MAP4K4: variants seen among roughly 807,000 people sequenced by gnomAD.
MAP4K4 encodes the protein mitogen-activated protein kinase kinase kinase kinase 4, also known as HPK/GCK-like kinase HGK.
Under a neutral mutation model 189.6 loss-of-function variants are expected in MAP4K4, and 38 were observed. That is an observed-to-expected ratio of 0.20 (90% CI 0.15 to 0.26). The LOEUF is 0.26. MAP4K4 is among the 10% of genes least tolerant of loss of function. MAP4K4 has a pLI of 1.00. For synonymous variants in MAP4K4, 610 were observed against 624.3 expected, an observed-to-expected ratio of 0.98 and a Z score of 0.34; for missense variants, 1,054 against 1,726.9, an observed-to-expected ratio of 0.61 and a Z score of 6.91.
At chr2:101,764,235 C>G (rs1294830882) in intron 2 of MAP4K4, among the ~76,000 whole-genome samples, 2 of 152,086 alleles carry the variant, frequency 1.3e-5, no homozygotes, top group Non-Finnish European at 2.9e-5. Flanking sequence ...ACATATGTAG[C>G]ATTGCACTGT....
intron 10 of MAP4K4, among the ~76,000 whole-genome samples, chr2:101,841,543 A>G (rs2096917236): frequency 1.3e-5 from 2 of 151,214 alleles, no homozygotes; most frequent in African/African-American, 4.9e-5. Flanking sequence ...TTCTTGGCTC[A>G]CTGCAGCCTC....
intron 2 of MAP4K4, among the ~76,000 whole-genome samples, chr2:101,712,403 C>T (rs2046126240): frequency 6.6e-6 from 1 of 152,072 alleles, no homozygotes; most frequent in Admixed American, 6.5e-5. Context: ...ACCGTGTTAG[C>T]CAGGATGGTC....
intron 2 of MAP4K4, among the ~76,000 whole-genome samples, chr2:101,711,780 G>T (rs925955535): frequency 1.3e-5 from 2 of 152,092 alleles, no homozygotes; most frequent in Non-Finnish European, 2.9e-5. Context: ...TCAACTCCAA[G>T]ATTGTATTAG....
At chr2:101,706,871 T>G (rs916863817) in intron 2 of MAP4K4, among the ~76,000 whole-genome samples, 1 of 152,236 alleles carries the variant, frequency 6.6e-6, no homozygotes, top group South Asian at 2.1e-4. Flanking sequence ...AAATCCCTTT[T>G]TCTTATCACT....
chr2:101,766,965 T>C (rs1229805171), intron 2 of MAP4K4, among the ~76,000 whole-genome samples: 1 of 152,228 alleles, frequency 6.6e-6, no homozygotes, highest in Non-Finnish European at 1.5e-5. Flanking sequence ...CAGAATTTTC[T>C]GGGGTTTAAA....
chr2:101,848,221 C>T (rs929728974), intron 12 of MAP4K4, among the ~76,000 whole-genome samples: 1 of 152,172 alleles, frequency 6.6e-6, no homozygotes, highest in African/African-American at 2.4e-5. Context: ...ATACCAAGTA[C>T]AGTGTAAATG....
chr2:101,721,435 C>CT (rs397872119), intron 2 of MAP4K4, among the ~76,000 whole-genome samples: 9,427 of 131,540 alleles, frequency 0.072, 427 homozygotes, highest in African/African-American at 0.12. Context: ...TAGTATATTG[C>CT]TTTTTTTTTT....
chr2:101,755,660 C>G (rs904468304), intron 2 of MAP4K4, among the ~76,000 whole-genome samples: 3 of 152,114 alleles, frequency 2.0e-5, no homozygotes, highest in Admixed American at 6.6e-5. Flanking sequence ...TTAATCCGCT[C>G]TCCCTCTGTT....
intron 2 of MAP4K4, among the ~76,000 whole-genome samples, chr2:101,728,630 T>C (rs2056823997): frequency 6.6e-6 from 1 of 152,202 alleles, no homozygotes; most frequent in Non-Finnish European, 1.5e-5. Context: ...GCAGTTCTTC[T>C]GCCTCAGCCT....
exon 16 of MAP4K4, chr2:101,860,938 C>G: frequency 6.2e-7 from 1 of 1,604,904 alleles, no homozygotes; most frequent in Non-Finnish European, 8.5e-7. Flanking sequence ...TTTCCAATGG[C>G]AACTCCGAGT....
intron 17 of MAP4K4, among the ~76,000 whole-genome samples, chr2:101,864,325 A>G (rs2097758150): frequency 6.6e-6 from 1 of 152,238 alleles, no homozygotes; most frequent in South Asian, 2.1e-4. Flanking sequence ...AAACAAATTC[A>G]TAATCTATTT....
chr2:101,704,916 A>G (rs2041486083), intron 2 of MAP4K4, among the ~76,000 whole-genome samples: 1 of 152,154 alleles, frequency 6.6e-6, no homozygotes, highest in South Asian at 2.1e-4. Flanking sequence ...ATAATGTTAT[A>G]TCACTGCTCA....
intron 12 of MAP4K4, among the ~76,000 whole-genome samples, chr2:101,845,230 G>A (rs997039304): frequency 1.3e-5 from 2 of 151,880 alleles, no homozygotes; most frequent in Admixed American, 6.6e-5. Context: ...GGTAAGGGAT[G>A]CAGAAAACAA....
intron 3 of MAP4K4, among the ~76,000 whole-genome samples, chr2:101,811,854 G>A (rs1490506919): frequency 6.6e-6 from 1 of 152,172 alleles, no homozygotes; most frequent in Admixed American, 6.5e-5. Context: ...GGTATTGTTG[G>A]TTGGAGCTGG....
intron 2 of MAP4K4, among the ~76,000 whole-genome samples, chr2:101,776,178 G>A (rs1036907191): frequency 1.3e-5 from 2 of 152,148 alleles, no homozygotes; most frequent in Non-Finnish European, 2.9e-5. Flanking sequence ...TAGGGATTTT[G>A]ATCCAGTAGA....
intron 8 of MAP4K4, among the ~76,000 whole-genome samples, chr2:101,835,154 A>C (rs114252588): frequency 1.7e-4 from 26 of 152,358 alleles, no homozygotes; most frequent in African/African-American, 5.5e-4. Context: ...GATCTGCCTC[A>C]AACACCATAC....
At chr2:101,794,067 A>G (rs2093355454) in intron 3 of MAP4K4, among the ~76,000 whole-genome samples, 1 of 152,178 alleles carries the variant, frequency 6.6e-6, no homozygotes, top group Non-Finnish European at 1.5e-5. Flanking sequence ...GGATTTTGAA[A>G]GGCTCTTTTT....
intron 2 of MAP4K4, among the ~76,000 whole-genome samples, chr2:101,774,018 A>G (rs1350235166): frequency 2.0e-5 from 3 of 152,146 alleles, no homozygotes; most frequent in Non-Finnish European, 4.4e-5. Context: ...TGCAGCAACA[A>G]ACGTGGGAGT....
At chr2:101,782,010 C>G (rs979737141) in intron 2 of MAP4K4, among the ~76,000 whole-genome samples, 1 of 152,102 alleles carries the variant, frequency 6.6e-6, no homozygotes, top group Non-Finnish European at 1.5e-5. Context: ...TACTGCCTGA[C>G]GTAATATTCC....
Sources: gnomAD v4.1 joint callset for allele counts (sites outside exome capture counted in the v4.1 genomes callset) on GRCh38, gnomAD v4.1.1 for gene constraint, MANE v1.5 for transcripts, NCBI Gene and HGNC (gene_info 2026-07-23, HGNC 2026-07-21) for gene names.